The following CCNO variants were observed in gnomAD, a reference collection of about 807,000 sequenced individuals.
CCNO encodes cyclin-O.
CCNO carries 24 observed loss-of-function variants against 23.9 expected under a neutral mutation model. The ratio of observed to expected loss-of-function variants is 1.00; its 90% CI spans 0.73 to 1.41. The LOEUF is 1.41. Ranked by LOEUF, CCNO falls within the 40% of genes most tolerant of loss-of-function variation. The pLI is 0.00. For missense variants in CCNO, 542 were observed against 476.2 expected, an observed-to-expected ratio of 1.14 and a Z score of -1.29; for synonymous variants, 241 against 225.7, an observed-to-expected ratio of 1.07 and a Z score of -0.61.
rs1229915304 is a variant in CCNO at position 55,233,535 on chromosome 5, G to C, written c.-12C>G. The C allele has an allele frequency of 6.5e-7, 1 of 1,537,412 alleles. No individual in the cohort carries two copies. Among genetic ancestry groups the C allele is most frequent in the Admixed American group, 2.0e-5 (1 of 49,286 alleles). ...CAGGGGGTCACCATGATGCGGCCGGGTGGCCGCTTTACTACCTTCAACGCC... is the reference window on the plus strand; with the variant it reads ...CAGGGGGTCACCATGATGCGGCCGGCTGGCCGCTTTACTACCTTCAACGCC... On this transcript the variant is annotated 5_prime_UTR_variant, in exon 1 of 3. Coordinates refer to ENST00000282572, the MANE Select transcript of CCNO (RefSeq NM_021147.5).
rs778545262 is a variant in CCNO at position 55,231,697 on chromosome 5, C to T, written c.731G>A (p.Arg244His). The T allele has an allele frequency of 2.6e-5, 41 of 1,577,328 alleles. No homozygotes were observed. In the East Asian group the frequency reaches 9.1e-4, roughly 35 times the overall value. The part of the protein sequence containing the change: ...SFFLEHFTHA[R>H]VEAGQAEASE... ...GGCCTCAGCCTGCCCCGCCTCCACG[C>T]GAGCGTGCGTGAAATGCTCCAGGAA... The change falls in exon 3 of 3, where the codon CGC becomes CAC. Residue 244 changes from arginine (R) to histidine (H), a missense_variant. Transcript: ENST00000282572.
At chr5:55,232,332 C>T (rs1399304671) in intron 2 of CCNO, 29 bp downstream of exon 2, 3 of 1,599,134 alleles carry the variant, frequency 1.9e-6, no homozygotes, top group East Asian at 2.2e-5. Flanking sequence ...CCCCAGATGC[C>T]GCGTGTACCT....
chr5:55,232,944 C>G (rs1745637198), intron 1 of CCNO, 199 bp downstream of exon 1: 3 of 629,492 alleles, frequency 4.8e-6, no homozygotes, highest in Non-Finnish European at 8.2e-6. Context: ...GCAAGTCCCT[C>G]AAGCCGTCTA....
In CCNO at chr5:55,232,211, G is replaced by A. The variant is rs1325437197; in HGVS notation, c.567+150C>T. On this transcript the variant is annotated intron_variant, in intron 2 of 2. Coordinates refer to ENST00000282572, the MANE Select transcript of CCNO (RefSeq NM_021147.5). ...GAGAAATTGTGAAGTTAAGGCTAAG[G>A]GATATATGCGTATGCAAATGTCTGA... The A allele has an allele frequency of 9.2e-5, 65 of 708,828 alleles. 1 individual carries two copies. Among genetic ancestry groups the A allele is most frequent in the Non-Finnish European group, 1.5e-5 (6 of 412,448 alleles). 43.9% of individuals were successfully genotyped at this position (708,828 alleles called of 1,614,324 possible).
In CCNO at chr5:55,231,400, C is replaced by A. The variant is rs767787802; in HGVS notation, c.1028G>T (p.Cys343Phe). 2 of 1,613,928 alleles carry A rather than the reference C, an allele frequency of 1.2e-6. No individual in the cohort carries two copies. The highest frequency in any genetic ancestry group is 2.7e-5 in the African/African-American group (2 of 74,922). ...TTATTTCGAGCTCGGGGGCAGGCTGCACTTCTCGCAGATCTGAACGGGCAG... is the reference window on the plus strand; with the variant it reads ...TTATTTCGAGCTCGGGGGCAGGCTGAACTTCTCGCAGATCTGAACGGGCAG... ...HMLPVQICEK[C>F]SLPPSSK is the part of the protein sequence containing the mutation. The change falls in exon 3 of 3, where the codon TGC (cysteine) becomes TTC (phenylalanine). Residue 343 changes from cysteine to phenylalanine, a missense_variant. Cys to Phe is a radical substitution (Grantham distance 205). Transcript: ENST00000282572.
rs1037944899 is a variant in CCNO, at chr5:55,231,199, T to G, written c.*176A>C. On this transcript the variant is annotated 3_prime_UTR_variant, in exon 3 of 3. Transcript: ENST00000282572. ...ATTGGTGAAAGACTCAGCTTCCTCATGTGCTCGCTGCAAAATAAATAAAAT... is the reference window on the plus strand; with the variant it reads ...ATTGGTGAAAGACTCAGCTTCCTCAGGTGCTCGCTGCAAAATAAATAAAAT... 1 of 678,484 alleles carries G rather than the reference T, an allele frequency of 1.5e-6. No individual in the cohort carries two copies. Among genetic ancestry groups the G allele is most frequent in the Non-Finnish European group, 2.5e-6 (1 of 399,042 alleles). The allele number at this position is 678,484 out of a possible 1,614,324, so 42.0% of individuals were successfully genotyped here.
intron 2 of CCNO, 139 bp from the exon 3 acceptor site, chr5:55,231,999 C>T (rs1745597180): frequency 3.0e-6 from 3 of 1,008,702 alleles, no homozygotes; most frequent in Non-Finnish European, 4.2e-6. Context: ...ACGTAAGTGA[C>T]CTAGAGCGTA....
At position 55,231,234 on chromosome 5, in the gene CCNO, T is replaced by C. The variant is rs1295298665; in HGVS notation, c.*141A>G. Reference sequence around the variant, plus strand: ...GCAAAATAAATAAAATACCAGATGCTAGTATCGTACACTATTTACAACCTG... The same window carrying C: ...GCAAAATAAATAAAATACCAGATGCCAGTATCGTACACTATTTACAACCTG... On this transcript the variant is annotated 3_prime_UTR_variant, in exon 3 of 3. Transcript: ENST00000282572. 3 of 846,462 alleles carry C rather than the reference T, an allele frequency of 3.5e-6. No homozygotes were observed. The highest frequency in any genetic ancestry group is 5.6e-6 in the Non-Finnish European group (3 of 531,960). 52.4% of individuals were successfully genotyped at this position (846,462 alleles called of 1,614,324 possible).
chr5:55,231,981 C>A (rs1295547687), intron 2 of CCNO, 121 bp from the exon 3 acceptor site: 2 of 1,151,338 alleles, frequency 1.7e-6, no homozygotes, highest in Non-Finnish European at 2.4e-6. Context: ...TGCCTCTCCA[C>A]TGCTTCCACG....
rs750371928 is a variant in CCNO, at chr5:55,232,433, G to A, written c.495C>T (p.Leu165=). 1 of 1,614,082 alleles carries A rather than the reference G, an allele frequency of 6.2e-7. No homozygotes were observed. Among genetic ancestry groups the A allele is most frequent in the East Asian group, 2.2e-5 (1 of 44,870 alleles). The change falls in exon 2 of 3, where the codon CTC becomes CTT. Residue 165 remains leucine (L), a synonymous_variant. Coordinates refer to ENST00000282572, the MANE Select transcript of CCNO (RefSeq NM_021147.5). The part of the protein sequence containing the change: ...CLTVNTLDRF[L]TTTPVAADCF... Reference sequence around the variant, plus strand: ...AGTCTGCAGCCACCGGCGTGGTGGTGAGGAAGCGGTCCAGAGTGTTCACCG... The same window carrying A: ...AGTCTGCAGCCACCGGCGTGGTGGTAAGGAAGCGGTCCAGAGTGTTCACCG...
chr5:55,231,409 C>A lies in CCNO; in HGVS notation c.1019G>T (p.Cys340Phe). ...SLTHMLPVQI[C>F]EKCSLPPSSK Reference sequence around the variant, plus strand: ...GCTCGGGGGCAGGCTGCACTTCTCGCAGATCTGAACGGGCAGCATGTGAGT... The same window carrying A: ...GCTCGGGGGCAGGCTGCACTTCTCGAAGATCTGAACGGGCAGCATGTGAGT... The change falls in exon 3 of 3, where the codon TGC (cysteine) becomes TTC (phenylalanine). Residue 340 changes from cysteine (C) to phenylalanine (F), a missense_variant. Physicochemically the swap from Cys to Phe is radical, Grantham distance 205 (BLOSUM62 -2). Transcript: ENST00000282572. The A allele has an allele frequency of 3.1e-6, 5 of 1,614,128 alleles. No homozygotes were observed. The highest frequency in any genetic ancestry group is 3.4e-6 in the Non-Finnish European group (4 of 1,180,002).
rs770604322 is a variant in CCNO at position 55,233,218 on chromosome 5, G to A, written c.306C>T (p.Gly102=). Residue 102 remains glycine (G), a synonymous_variant, in exon 1 of 3, where the codon GGC becomes GGT. Coordinates refer to ENST00000282572, the MANE Select transcript of CCNO (RefSeq NM_021147.5). ...CCTTGCGGAAGGCGTAGCAGCTCTG[G>A]CCGTAGTCGCGGAAGGTCTGTAGAT... ...QLDLQTFRDY[G]QSCYAFRKAQ... is the part of the protein sequence containing the mutation. The A allele has an allele frequency of 6.4e-7, 1 of 1,572,916 alleles. No homozygotes were observed. The highest frequency in any genetic ancestry group is 2.3e-5 in the East Asian group (1 of 43,574).
chr5:55,233,137 C>T lies in CCNO; in HGVS notation c.381+6G>A. 1 of 1,541,106 alleles carries T rather than the reference C, an allele frequency of 6.5e-7. No individual in the cohort carries two copies. The highest frequency in any genetic ancestry group is 2.0e-5 in the Admixed American group (1 of 50,872). Reference sequence around the variant, plus strand: ...CGGCGTGGAGCTGGCTCTACCAGCACCTCACTTGTGGCTGCCGTGCCAGCG... The same window carrying T: ...CGGCGTGGAGCTGGCTCTACCAGCATCTCACTTGTGGCTGCCGTGCCAGCG... On this transcript the variant is annotated splice_donor_region_variant and intron_variant, in intron 1 of 2. Coordinates refer to ENST00000282572, the MANE Select transcript of CCNO (RefSeq NM_021147.5).
rs1745559936 is a variant in CCNO, at chr5:55,231,182, A to G, written c.*193T>C. 8.0e-6 allele frequency: 5 copies of G among 628,294 alleles called. No homozygotes were observed. Among genetic ancestry groups the G allele is most frequent in the Non-Finnish European group, 1.4e-5 (5 of 359,898 alleles). 38.9% of individuals were successfully genotyped at this position (628,294 alleles called of 1,614,324 possible). ...ACAAACCACAACTGTTTATTGGTGA[A>G]AGACTCAGCTTCCTCATGTGCTCGC... is the stretch of plus-strand genomic sequence containing the variant. On this transcript the variant is annotated 3_prime_UTR_variant, in exon 3 of 3. Coordinates refer to ENST00000282572, the MANE Select transcript of CCNO (RefSeq NM_021147.5).
At position 55,231,209 on chromosome 5, in the gene CCNO, G is replaced by A. The variant is rs1263336172; in HGVS notation, c.*166C>T. 2.7e-6 allele frequency: 2 copies of A among 739,162 alleles called. No homozygotes were observed. Among genetic ancestry groups the A allele is most frequent in the African/African-American group, 1.8e-5 (1 of 57,048 alleles). 45.8% of individuals were successfully genotyped at this position (739,162 alleles called of 1,614,324 possible). A position where few individuals can be genotyped will look rare whatever the true frequency, so the allele number is the denominator to read the frequency against. On this transcript the variant is annotated 3_prime_UTR_variant, in exon 3 of 3. Transcript: ENST00000282572. ...GACTCAGCTTCCTCATGTGCTCGCT[G>A]CAAAATAAATAAAATACCAGATGCT...
chr5:55,233,567 G>C lies in CCNO; in HGVS notation c.-44C>G. 1 of 1,470,890 alleles carries C rather than the reference G, an allele frequency of 6.8e-7. No individual in the cohort carries two copies. Among genetic ancestry groups the C allele is most frequent in the Non-Finnish European group, 9.0e-7 (1 of 1,117,194 alleles). 91.1% of individuals were successfully genotyped at this position (1,470,890 alleles called of 1,614,324 possible). ...CTTTACTACCTTCAACGCCCGGGCTGCGGCGGGCAGCAAACGCGCACTCGA... is the reference window on the plus strand; with the variant it reads ...CTTTACTACCTTCAACGCCCGGGCTCCGGCGGGCAGCAAACGCGCACTCGA... On this transcript the variant is annotated 5_prime_UTR_variant, in exon 1 of 3. Transcript: ENST00000282572.
intron 2 of CCNO, 65 bp from the exon 3 acceptor site, chr5:55,231,925 G>A: frequency 2.1e-6 from 3 of 1,457,348 alleles, no homozygotes; most frequent in Non-Finnish European, 2.7e-6. Context: ...ACCCCAGTAT[G>A]ACGCCCGGAC....
In CCNO at chr5:55,233,297, G is replaced by A. The variant is rs1745654998; in HGVS notation, c.227C>T (p.Ala76Val). The change falls in exon 1 of 3, where the codon GCG (alanine) becomes GTG (valine). Residue 76 changes from alanine (A) to valine (V), a missense_variant. Coordinates refer to ENST00000282572, the MANE Select transcript of CCNO (RefSeq NM_021147.5). ...SGSDGAESPS[A>V]ARGGSPLPGP... Reference sequence around the variant, plus strand: ...GGGCAGGGGGCTACCACCCCGCGCCGCAGAGGGGCTCTCTGCGCCGTCTGA... The same window carrying A: ...GGGCAGGGGGCTACCACCCCGCGCCACAGAGGGGCTCTCTGCGCCGTCTGA... The A allele has an allele frequency of 6.3e-7, 1 of 1,591,970 alleles. No homozygotes were observed. The highest frequency in any genetic ancestry group is 8.5e-7 in the Non-Finnish European group (1 of 1,171,194).
At chr5:55,231,997 G>T in intron 2 of CCNO, 137 bp from the exon 3 acceptor site, 1 of 1,008,396 alleles carries the variant, frequency 9.9e-7, no homozygotes, top group Non-Finnish European at 1.4e-6. Flanking sequence ...CCACGTAAGT[G>T]ACCTAGAGCG....
Sources: allele counts gnomAD v4.1 joint callset, GRCh38; gene constraint gnomAD v4.1.1; transcripts MANE v1.5; gene names NCBI Gene and HGNC (gene_info 2026-07-23, HGNC 2026-07-21).